Variants in INCENP observed in about 807,000 individuals in gnomAD.
INCENP encodes inner centromere protein.
Under a neutral mutation model 107.3 loss-of-function variants are expected in INCENP, and 43 were observed. The ratio of observed to expected loss-of-function variants is 0.40; its 90% CI spans 0.31 to 0.52. The LOEUF is 0.52. INCENP is among the 20% of genes least tolerant of loss of function. INCENP has a pLI of 0.53. For synonymous variants in INCENP, 488 were observed against 494.4 expected, an observed-to-expected ratio of 0.99 and a Z score of 0.17; for missense variants, 1,089 against 1,250.9, an observed-to-expected ratio of 0.87 and a Z score of 1.95.
intron 17 of INCENP, among the ~76,000 whole-genome samples, chr11:62,149,300 T>A (rs1472205323): frequency 6.6e-6 from 1 of 152,210 alleles, no homozygotes; most frequent in African/African-American, 2.4e-5. Context: ...TCTGTCTATT[T>A]CAACACAGGT....
At chr11:62,137,437 G>A (rs1432874835) in intron 4 of INCENP, among the ~76,000 whole-genome samples, 1 of 152,188 alleles carries the variant, frequency 6.6e-6, no homozygotes, top group Non-Finnish European at 1.5e-5. Context: ...CTGGGGCCTG[G>A]CCCAGGTCCC....
intron 18 of INCENP, 145 bp downstream of exon 18, chr11:62,150,352 T>C: frequency 3.7e-6 from 3 of 806,548 alleles, no homozygotes; most frequent in South Asian, 3.4e-5. Context: ...GCCTTGGGTA[T>C]GCATGTGCCC....
Position 62,146,867 on chromosome 11 carries a change from G to C in INCENP, c.2169G>C (p.Glu723Asp). ...REQERQLAEQ[E>D]RRREQERLQA... is the part of the protein sequence containing the mutation. ...AGGAGCGACAGCTGGCAGAGCAGGAGCGTCGGCGGGAGCAGGAGCGGCTCC... is the reference window on the plus strand; with the variant it reads ...AGGAGCGACAGCTGGCAGAGCAGGACCGTCGGCGGGAGCAGGAGCGGCTCC... Residue 723 changes from glutamate to aspartate, a missense_variant, in exon 15 of 19, where the codon GAG (glutamate) becomes GAC (aspartate). Physicochemically the swap from Glu to Asp is conservative, Grantham distance 45. Coordinates refer to ENST00000394818, the MANE Select transcript of INCENP (RefSeq NM_001040694.2). 1.3e-6 allele frequency: 2 copies of C among 1,590,150 alleles called. No individual in the cohort carries two copies. Among genetic ancestry groups the C allele is most frequent in the Non-Finnish European group, 1.7e-6 (2 of 1,170,568 alleles).
At chr11:62,131,453 C>T (rs973403269) in intron 4 of INCENP, among the ~76,000 whole-genome samples, 7 of 152,130 alleles carry the variant, frequency 4.6e-5, no homozygotes, top group African/African-American at 1.7e-4. Context: ...TCTGGAGGGG[C>T]AGGCTGGCTG....
chr11:62,136,076 C>T (rs1314416255), intron 4 of INCENP, among the ~76,000 whole-genome samples: 1 of 152,134 alleles, frequency 6.6e-6, no homozygotes, highest in Non-Finnish European at 1.5e-5. Context: ...GGATTACAGG[C>T]GTGAGCCACC....
intron 18 of INCENP, among the ~76,000 whole-genome samples, chr11:62,151,010 C>T (rs954774871): frequency 4.6e-5 from 7 of 152,242 alleles, no homozygotes; most frequent in Admixed American, 2.0e-4. Flanking sequence ...AGCCTCTTAA[C>T]TACTAGTGTC....
intron 1 of INCENP, 130 bp from the exon 2 acceptor site, chr11:62,128,019 CAG>C: frequency 2.5e-6 from 2 of 788,774 alleles, no homozygotes; most frequent in South Asian, 3.2e-5. Flanking sequence ...TGGCTGTGAG[CAG>C]AGAGGGGCCC....
At chr11:62,144,143 C>T (rs1944184446) in intron 11 of INCENP, among the ~76,000 whole-genome samples, 1 of 152,158 alleles carries the variant, frequency 6.6e-6, no homozygotes, top group South Asian at 2.1e-4. Flanking sequence ...ACCAGCCTGG[C>T]CAACATAGTG....
In INCENP at chr11:62,138,899, C is replaced by T. The variant is rs142363368; in HGVS notation, c.1185C>T (p.Asn395=). Reference sequence around the variant, plus strand: ...GGTTCTTTCCACAGGTCCCTGAGAACAATGGAAATAACTCGTGGCCCCACA... The same window carrying T: ...GGTTCTTTCCACAGGTCCCTGAGAATAATGGAAATAACTCGTGGCCCCACA... ...VAAAEPEVPE[N]NGNNSWPHND... is the part of the protein sequence containing the mutation. The change falls in exon 7 of 19, where the codon AAC becomes AAT. Residue 395 remains asparagine, a synonymous_variant. Transcript: ENST00000394818. The T allele has an allele frequency of 1.2e-6, 2 of 1,613,418 alleles. No individual in the cohort carries two copies. Among genetic ancestry groups the T allele is most frequent in the Non-Finnish European group, 1.7e-6 (2 of 1,179,336 alleles).
chr11:62,141,162 G>C, intron 10 of INCENP, 118 bp downstream of exon 10: 3 of 1,373,704 alleles, frequency 2.2e-6, no homozygotes, highest in Non-Finnish European at 3.0e-6. Flanking sequence ...AGTGTGGCCT[G>C]GCACTGTTAG....
intron 11 of INCENP, 53 bp downstream of exon 11, chr11:62,141,564 C>T: frequency 6.2e-7 from 1 of 1,608,058 alleles, no homozygotes; most frequent in Non-Finnish European, 8.5e-7. Flanking sequence ...CACTCACCCG[C>T]TGTAGCCCCT....
At chr11:62,140,377 A>C (rs1280677189) in intron 8 of INCENP, 92 bp downstream of exon 8, 1 of 1,125,470 alleles carries the variant, frequency 8.9e-7, no homozygotes, top group Non-Finnish European at 1.4e-6. Flanking sequence ...ATGTGTGCTC[A>C]GGGGCTTCAG....
At chr11:62,141,476 C>T in intron 10 of INCENP, 24 bp from the exon 11 acceptor site, 1 of 1,613,996 alleles carries the variant, frequency 6.2e-7, no homozygotes, top group Non-Finnish European at 8.5e-7. Context: ...TTAACTCTTG[C>T]CTTTTCCCTT....
In INCENP at chr11:62,150,132, G is replaced by A. The variant is rs923125912; in HGVS notation, c.2467G>A (p.Gly823Arg). 3.7e-6 allele frequency: 6 copies of A among 1,614,052 alleles called. No homozygotes were observed. The highest frequency in any genetic ancestry group is 5.1e-6 in the Non-Finnish European group (6 of 1,179,980). ...TCCCAAGATCAACCCAGATAACTACGGGATGGATCTGAATAGCGACGACTC... is the reference window on the plus strand; with the variant it reads ...TCCCAAGATCAACCCAGATAACTACAGGATGGATCTGAATAGCGACGACTC... ...APPKINPDNY[G>R]MDLNSDDSTD... The change falls in exon 18 of 19, where the codon GGG becomes AGG. Residue 823 changes from glycine to arginine, a missense_variant. By Grantham distance (125) the Gly-to-Arg change is moderately radical (BLOSUM62 -2). Coordinates refer to ENST00000394818, the MANE Select transcript of INCENP (RefSeq NM_001040694.2).
chr11:62,128,760 T>G lies in INCENP; in HGVS notation c.141-10T>G. ...GCAGCCTCGAGTGACACCCTCCTTGTGCCAAACAGAGAATTCAGCAAAGAG... is the reference window on the plus strand; with the variant it reads ...GCAGCCTCGAGTGACACCCTCCTTGGGCCAAACAGAGAATTCAGCAAAGAG... On this transcript the variant is annotated splice_polypyrimidine_tract_variant and intron_variant, in intron 2 of 18. Transcript: ENST00000394818. 1 of 1,602,530 alleles carries G rather than the reference T, an allele frequency of 6.2e-7. No individual in the cohort carries two copies. Among genetic ancestry groups the G allele is most frequent in the South Asian group, 1.1e-5 (1 of 90,858 alleles).
intron 7 of INCENP, among the ~76,000 whole-genome samples, chr11:62,139,899 C>T (rs1001053173): frequency 2.0e-5 from 3 of 152,114 alleles, no homozygotes; most frequent in East Asian, 1.9e-4. Context: ...CAGGCACTCG[C>T]GGGGAGGTGT....
At chr11:62,151,684 C>T in intron 18 of INCENP, 78 bp from the exon 19 acceptor site, 1 of 1,240,870 alleles carries the variant, frequency 8.1e-7, no homozygotes, top group Admixed American at 1.7e-5. Context: ...GAGAGGGTGA[C>T]AGGGCTCTGT....
rs1590621443 is a variant in INCENP at position 62,141,729 on chromosome 11, T to C, written c.1605+218T>C. ...TCTCTGCCCTCCCTGCCCTTGACTC[T>C]GCTCTTAGGAGGAAGCAAGGGGGTG... On this transcript the variant is annotated intron_variant, in intron 11 of 18. Transcript: ENST00000394818. 8 of 648,862 alleles carry C rather than the reference T, an allele frequency of 1.2e-5. No individual in the cohort carries two copies. The East Asian group carries it at 2.1e-4, about 17-fold the overall frequency. 40.2% of individuals were successfully genotyped at this position (648,862 alleles called of 1,614,324 possible). A position where few individuals can be genotyped will look rare whatever the true frequency, so the allele number is the denominator to read the frequency against.
At chr11:62,142,981 T>C (rs1233409467) in intron 11 of INCENP, among the ~76,000 whole-genome samples, 1 of 151,796 alleles carries the variant, frequency 6.6e-6, no homozygotes, top group African/African-American at 2.4e-5. Flanking sequence ...TTGTTCTGCT[T>C]TGTGTGCTTC....
Sources: gnomAD v4.1 joint callset for allele counts (sites outside exome capture counted in the v4.1 genomes callset) on GRCh38, gnomAD v4.1.1 for gene constraint, MANE v1.5 for transcripts, NCBI Gene and HGNC (gene_info 2026-07-23, HGNC 2026-07-21) for gene names.